The following SHB variants were observed in gnomAD, a reference collection of about 807,000 sequenced individuals.
SHB encodes the protein SH2 domain-containing adapter protein B.
In SHB, 20 loss-of-function variants were observed where a neutral mutation model predicts 52.3. The observed-to-expected ratio is 0.38, with a 90% CI of 0.27 to 0.56. The LOEUF is 0.56. Ranked by LOEUF, SHB falls within the 20% of genes least tolerant of loss-of-function variation. The probability of loss-of-function intolerance (pLI) is 0.71; values close to 1 mark genes in which losing one functional copy is unlikely to be tolerated. For synonymous variants in SHB, 397 were observed against 316.5 expected (o/e 1.25, Z -2.70); for missense variants, 825 against 723.3 (o/e 1.14, Z -1.61).
rs759458297 is a variant in SHB at position 38,068,637 on chromosome 9, C to A, written c.9G>T (p.Lys3Asn). Residue 3 changes from lysine (K) to asparagine (N), a missense_variant, in exon 1 of 6, where the codon AAG (lysine) becomes AAT (asparagine). Coordinates refer to ENST00000377707, the MANE Select transcript of SHB (RefSeq NM_003028.3). ...CCAAGCTGAAGTACTTGTTTAGCCACTTGGCCATGGCGAGAGGCCGCCTAG... is the reference window on the plus strand; with the variant it reads ...CCAAGCTGAAGTACTTGTTTAGCCAATTGGCCATGGCGAGAGGCCGCCTAG... Reference protein sequence around the residue: MAKWLNKYFSLGN... With the variant: MANWLNKYFSLGN... 4.8e-6 allele frequency: 7 copies of A among 1,456,916 alleles called. No homozygotes were observed. The South Asian group carries it at 9.8e-5, about 20-fold the overall frequency. The allele number at this position is 1,456,916 out of a possible 1,614,324, so 90.2% of individuals were successfully genotyped here. A position where few individuals can be genotyped will look rare whatever the true frequency, so the allele number is the denominator to read the frequency against.
chr9:37,961,764 C>T (rs910144560), intron 3 of SHB, among the ~76,000 whole-genome samples: 3 of 152,178 alleles, frequency 2.0e-5, no homozygotes, highest in Non-Finnish European at 4.4e-5. Flanking sequence ...TGCTCTAGAC[C>T]CCCAGGTAGA....
At chr9:38,047,725 C>T (rs1029277755) in intron 1 of SHB, among the ~76,000 whole-genome samples, 2 of 152,232 alleles carry the variant, frequency 1.3e-5, no homozygotes, top group Non-Finnish European at 2.9e-5. Flanking sequence ...TCAGGAATAG[C>T]GCCAGTAAAT....
At chr9:37,953,479 T>A (rs983156454) in intron 4 of SHB, among the ~76,000 whole-genome samples, 1 of 151,874 alleles carries the variant, frequency 6.6e-6, no homozygotes, top group Admixed American at 6.6e-5. Context: ...CATATACTGA[T>A]GGTAATGATG....
chr9:38,003,083 GTAAATTAGACAA>G (rs1243683270), intron 2 of SHB, among the ~76,000 whole-genome samples: 1 of 152,184 alleles, frequency 6.6e-6, no homozygotes, highest in Admixed American at 6.5e-5. Flanking sequence ...ATTTCTGGGT[GTAAATTAGACAA>G]TAATTAAAAA....
intron 2 of SHB, among the ~76,000 whole-genome samples, chr9:37,985,530 C>T (rs1820794329): frequency 6.6e-6 from 1 of 152,272 alleles, no homozygotes; most frequent in Non-Finnish European, 1.5e-5. Flanking sequence ...CTGGCGCCAT[C>T]CCCCGTGGAG....
At chr9:37,997,817 C>T (rs1820968373) in intron 2 of SHB, among the ~76,000 whole-genome samples, 1 of 152,218 alleles carries the variant, frequency 6.6e-6, no homozygotes, top group African/African-American at 2.4e-5. Context: ...TATCAAACAA[C>T]AGCTGTCCAG....
At chr9:38,066,230 T>C (rs1235085789) in intron 1 of SHB, among the ~76,000 whole-genome samples, 1 of 152,136 alleles carries the variant, frequency 6.6e-6, no homozygotes, top group Non-Finnish European at 1.5e-5. Flanking sequence ...TGGGAAAAAA[T>C]GTTTACTGAA....
intron 1 of SHB, among the ~76,000 whole-genome samples, chr9:38,059,518 C>T (rs1266509805): frequency 2.6e-5 from 4 of 152,160 alleles, no homozygotes; most frequent in Admixed American, 2.6e-4. Flanking sequence ...CTCAAACTCT[C>T]AGGAAGTTAG....
chr9:38,054,605 C>T (rs1242157961), intron 1 of SHB, among the ~76,000 whole-genome samples: 1 of 152,184 alleles, frequency 6.6e-6, no homozygotes. Flanking sequence ...GGGGTCCTGG[C>T]TGGGAATCTG....
intron 2 of SHB, among the ~76,000 whole-genome samples, chr9:37,986,490 C>A (rs774974413): frequency 1.3e-5 from 2 of 152,054 alleles, no homozygotes; most frequent in African/African-American, 4.8e-5. Flanking sequence ...GGACCAGGAG[C>A]CTTCATTGGG....
intron 4 of SHB, 31 bp downstream of exon 4, chr9:37,955,852 G>A (rs1303991210): frequency 4.4e-6 from 7 of 1,598,114 alleles, no homozygotes; most frequent in South Asian, 1.1e-5. Flanking sequence ...GAACTGGGAG[G>A]TGAGGTTGGG....
In SHB at chr9:37,916,838, C is replaced by T. The variant is rs775416051; in HGVS notation, c.*2983G>A. On this transcript the variant is annotated 3_prime_UTR_variant, in exon 6 of 6. Transcript: ENST00000377707. ...GCCAGAAGGGCCCTTGACTCCTCAGCGCTCAAGGACAGAGTTGCTCAAGTG... is the reference window on the plus strand; with the variant it reads ...GCCAGAAGGGCCCTTGACTCCTCAGTGCTCAAGGACAGAGTTGCTCAAGTG... Among the ~76,000 whole-genome samples, 6 of 152,134 alleles carry T rather than the reference C, an allele frequency of 3.9e-5. No individual in the cohort carries two copies. In the East Asian group the frequency reaches 5.8e-4, roughly 15 times the overall value.
At chr9:37,943,807 C>T (rs1832461300) in intron 5 of SHB, among the ~76,000 whole-genome samples, 1 of 152,232 alleles carries the variant, frequency 6.6e-6, no homozygotes, top group Admixed American at 6.5e-5. Flanking sequence ...GTCCCCCAGT[C>T]TTTGAAGTCC....
intron 1 of SHB, among the ~76,000 whole-genome samples, chr9:38,023,970 A>G (rs572065107): frequency 1.3e-5 from 2 of 152,350 alleles, no homozygotes; most frequent in African/African-American, 4.8e-5. Flanking sequence ...CACTGCTGAC[A>G]TGGTAAGGAA....
At chr9:38,051,872 T>A (rs997287725) in intron 1 of SHB, among the ~76,000 whole-genome samples, 2 of 152,128 alleles carry the variant, frequency 1.3e-5, no homozygotes, top group Non-Finnish European at 2.9e-5. Flanking sequence ...AGCAAACATC[T>A]TCATCGTGGC....
intron 3 of SHB, among the ~76,000 whole-genome samples, chr9:37,960,977 G>C (rs533886241): frequency 1.1e-4 from 16 of 152,176 alleles, no homozygotes; most frequent in Non-Finnish European, 1.5e-5. Flanking sequence ...GAGGGCTGCT[G>C]GTCTGGCAGG....
At chr9:38,049,255 T>A (rs529513209) in intron 1 of SHB, among the ~76,000 whole-genome samples, 2 of 152,322 alleles carry the variant, frequency 1.3e-5, no homozygotes, top group African/African-American at 4.8e-5. Context: ...GCGATCCTCC[T>A]GCCTCGGCCT....
At chr9:37,975,052 G>C (rs1326682269) in intron 2 of SHB, among the ~76,000 whole-genome samples, 2 of 152,078 alleles carry the variant, frequency 1.3e-5, no homozygotes, top group Non-Finnish European at 2.9e-5. Flanking sequence ...TCACATGCTC[G>C]CAGGCCTAAT....
intron 2 of SHB, among the ~76,000 whole-genome samples, chr9:37,995,057 G>C (rs940506480): frequency 6.6e-6 from 1 of 152,148 alleles, no homozygotes; most frequent in Non-Finnish European, 1.5e-5. Flanking sequence ...TCCACTAGCT[G>C]GGAACCTACA....
Sources: allele counts gnomAD v4.1 joint callset (sites outside exome capture counted in the v4.1 genomes callset), GRCh38; gene constraint gnomAD v4.1.1; transcripts MANE v1.5; gene names NCBI Gene and HGNC (gene_info 2026-07-23, HGNC 2026-07-21).